SLCO4A1: variants seen among roughly 807,000 people sequenced by gnomAD.
SLCO4A1 encodes the protein solute carrier organic anion transporter family member 4A1, also known as colon organic anion transporter.
Under a neutral mutation model 64.6 loss-of-function variants are expected in SLCO4A1, and 51 were observed. The ratio of observed to expected loss-of-function variants is 0.79; its 90% CI spans 0.63 to 1.00. The LOEUF (loss-of-function observed/expected upper bound fraction) is 1.00, where lower values mean the gene tolerates loss of function less well. Ranked by LOEUF, SLCO4A1 falls within the 50% of genes least tolerant of loss-of-function variation. The pLI is 0.00. For synonymous variants in SLCO4A1, 471 were observed against 444.9 expected (o/e 1.06, Z -0.74); for missense variants, 919 against 980.5 (o/e 0.94, Z 0.84).
chr20:62,672,583 A>G (rs1987357491), downstream of SLCO4A1: 1 of 152,288 alleles, frequency 6.6e-6, no homozygotes, highest in Admixed American at 6.5e-5. Flanking sequence ...ATGTTCTTAT[A>G]TAAACGTGTC....
chr20:62,671,495 AC>A lies in SLCO4A1; in HGVS notation c.2026-252del, dbSNP rs1293790101. 6.6e-5 allele frequency among the ~76,000 whole-genome samples: 10 copies of A among 152,266 alleles called. No homozygotes were observed. The East Asian group carries it at 1.7e-3, about 26-fold the overall frequency. On this transcript the variant is annotated intron_variant, in intron 11 of 11. Transcript: ENST00000217159. ...ATTCACTGGTGTCTGGCACTGTTCAACCCATGACAAGCCCCTCAGTCCTGTG... is the reference window on the plus strand; with the variant it reads ...ATTCACTGGTGTCTGGCACTGTTCAACCATGACAAGCCCCTCAGTCCTGTG...
Position 62,656,598 on chromosome 20 carries a change from C to A in SLCO4A1, c.144C>A (p.Ala48=). The A allele has an allele frequency of 6.3e-7, 1 of 1,597,920 alleles. No individual in the cohort carries two copies. The change falls in exon 2 of 12, where the codon GCC becomes GCA. Residue 48 remains alanine (A), a synonymous_variant. Coordinates refer to ENST00000217159, the MANE Select transcript of SLCO4A1 (RefSeq NM_016354.4). ...GCCCCGGCTCCCTCCGCTCCGCTGC[C>A]CATAGCCCCCTGGACACCAGCAAGC... ...PLSPGSLRSA[A]HSPLDTSKQP... is the part of the protein sequence containing the mutation.
intron 7 of SLCO4A1, chr20:62,667,415 G>A (rs947683731): frequency 2.8e-5 from 8 of 281,554 alleles, no homozygotes; most frequent in Middle Eastern, 1.0e-3. Context: ...TGTACTTGGC[G>A]CTTTTTCTTT....
intron 1 of SLCO4A1, chr20:62,643,169 G>T (rs926838188): frequency 1.7e-5 from 6 of 355,092 alleles, no homozygotes; most frequent in East Asian, 1.1e-4. Context: ...CAGCGGCGGC[G>T]CCCCTTTCCC....
chr20:62,644,845 T>A lies in SLCO4A1; in HGVS notation c.-97+2292T>A, dbSNP rs1378680259. ...GCAGATGGTTGTAGGTGGTCAGAGA[T>A]GAGCCACAGAAAAGCCAACGTGCAG... On this transcript the variant is annotated intron_variant, in intron 1 of 11. Coordinates refer to ENST00000217159, the MANE Select transcript of SLCO4A1 (RefSeq NM_016354.4). This position sits in a 1 kb window ranked among gnomAD's most constrained non-coding sequence, Gnocchi z 5.4. Among the ~76,000 whole-genome samples, 1 of 152,162 alleles carries A rather than the reference T, an allele frequency of 6.6e-6. No homozygotes were observed. The highest frequency in any genetic ancestry group is 2.1e-4 in the South Asian group (1 of 4,828).
At chr20:62,680,732 A>G (rs1987788736) in intron 2 of SLCO4A1, among the ~76,000 whole-genome samples, 1 of 152,110 alleles carries the variant, frequency 6.6e-6, no homozygotes, top group African/African-American at 2.4e-5. Flanking sequence ...ACACTTGATC[A>G]TGGGCTATGC....
At chr20:62,676,484 C>G (rs1433306444), downstream of SLCO4A1, among the ~76,000 whole-genome samples, 2 of 152,106 alleles carry the variant, frequency 1.3e-5, no homozygotes, top group Admixed American at 6.5e-5. Context: ...TAAAAATGGG[C>G]AAAGGATTTG....
Position 62,668,934 on chromosome 20 carries a change from C to T in SLCO4A1, c.1881C>T (p.Gly627=), listed in dbSNP as rs1484711844. 7 of 1,603,158 alleles carry T rather than the reference C, an allele frequency of 4.4e-6. No homozygotes were observed. Among genetic ancestry groups the T allele is most frequent in the Non-Finnish European group, 4.2e-6 (5 of 1,179,746 alleles). ...TGAGTGGGCTTCTCTCCGCAGGGGGCATCCCGGGGCCCATCGCCTTCGGCT... is the reference window on the plus strand; with the variant it reads ...TGAGTGGGCTTCTCTCCGCAGGGGGTATCCCGGGGCCCATCGCCTTCGGCT... ...IQWIVVRILG[G]IPGPIAFGWV... is the part of the protein sequence containing the mutation. Residue 627 remains glycine (G), a synonymous_variant, in exon 11 of 12, where the codon GGC becomes GGT. Transcript: ENST00000217159.
rs142494361 is a variant in SLCO4A1 at position 62,656,577 on chromosome 20, C to T, written c.123C>T (p.Pro41=). Residue 41 remains proline (P), a synonymous_variant, in exon 2 of 12, where the codon CCC becomes CCT. Transcript: ENST00000217159. ...RRASPGTPLS[P]GSLRSAAHSP... ...CATCCCCGGGCACACCCCTGAGCCC[C>T]GGCTCCCTCCGCTCCGCTGCCCATA... 477 of 1,588,926 alleles carry T rather than the reference C, an allele frequency of 3.0e-4. No homozygotes were observed. The highest frequency in any genetic ancestry group is 3.6e-4 in the Non-Finnish European group (418 of 1,171,668).
At chr20:62,667,037 C>A (rs1986478624) in intron 7 of SLCO4A1, among the ~76,000 whole-genome samples, 1 of 152,242 alleles carries the variant, frequency 6.6e-6, no homozygotes, top group Admixed American at 6.5e-5. Context: ...CGGCCCTGCC[C>A]TGCGGGCCCC....
chr20:62,689,249 G>A (rs564326601), downstream of SLCO4A1, among the ~76,000 whole-genome samples: 31 of 99,094 alleles, frequency 3.1e-4, no homozygotes, highest in South Asian at 6.5e-4. Flanking sequence ...GTCCCTGGCC[G>A]GCTGTGTCCC....
intron 11 of SLCO4A1, among the ~76,000 whole-genome samples, chr20:62,671,204 G>A (rs1002967825): frequency 6.6e-6 from 1 of 152,232 alleles, no homozygotes; most frequent in African/African-American, 2.4e-5. Flanking sequence ...GGTTCCTGTG[G>A]CCGCCACGAC....
In SLCO4A1 at chr20:62,657,052, G is replaced by T. The variant is rs763316327; in HGVS notation, c.598G>T (p.Glu200Ter). ...CTTCACGGCTGGCCGCTATGAGGTG[G>T]AGTTGGACGCGGGTGTCAGGACGTG... is the stretch of plus-strand genomic sequence containing the variant. ...PHFTAGRYEV[E>*]LDAGVRTCPA... Residue 200 changes from glutamate to a stop codon, truncating the protein, a stop_gained, in exon 2 of 12, where the codon GAG (glutamate) becomes TAG (stop). Transcript: ENST00000217159. LOFTEE classifies it high-confidence loss of function. The T allele has an allele frequency of 5.6e-6, 9 of 1,596,580 alleles. No homozygotes were observed. Among genetic ancestry groups the T allele is most frequent in the African/African-American group, 1.3e-5 (1 of 74,696 alleles).
intron 5 of SLCO4A1, among the ~76,000 whole-genome samples, chr20:62,662,431 G>T (rs1048267581): frequency 9.9e-5 from 15 of 152,166 alleles, no homozygotes; most frequent in African/African-American, 1.7e-4. Context: ...TGAGCCCCCA[G>T]TGTGGACCTA....
At chr20:62,672,775 G>T (rs1013649324), downstream of SLCO4A1, among the ~76,000 whole-genome samples, 1 of 152,260 alleles carries the variant, frequency 6.6e-6, no homozygotes, top group African/African-American at 2.4e-5. Context: ...GTGGGTGCAG[G>T]TCCCACAGGA....
chr20:62,658,624 C>T lies in SLCO4A1; in HGVS notation c.797-53C>T, dbSNP rs71323597. The T allele has an allele frequency of 4.7e-6, 7 of 1,475,426 alleles. No homozygotes were observed. The African/African-American group carries it at 9.7e-5, about 20-fold the overall frequency. The allele number at this position is 1,475,426 out of a possible 1,614,324, so 91.4% of individuals were successfully genotyped here. A position where few individuals can be genotyped will look rare whatever the true frequency, so the allele number is the denominator to read the frequency against. On this transcript the variant is annotated intron_variant, in intron 2 of 11. Transcript: ENST00000217159. The stretch of plus-strand genomic sequence containing the variant: ...CAGGCACGGGGCCCCACACGGCCCT[C>T]CGCAGCCCCTGGGTGGTGCACAGCG...
At chr20:62,658,801 A>G in intron 3 of SLCO4A1, 34 bp downstream of exon 3, 1 of 1,520,304 alleles carries the variant, frequency 6.6e-7, no homozygotes, top group Non-Finnish European at 9.0e-7. Context: ...CCTGCGCTGG[A>G]GAGGCCCACG....
At chr20:62,667,447 A>C (rs1041191908) in intron 7 of SLCO4A1, 7 of 419,846 alleles carry the variant, frequency 1.7e-5, no homozygotes, top group Non-Finnish European at 2.6e-5. Flanking sequence ...TATTTGATCC[A>C]TATGAATGTG....
downstream of SLCO4A1, among the ~76,000 whole-genome samples, chr20:62,690,050 A>AC (rs1988179725): frequency 6.6e-6 from 1 of 152,056 alleles, no homozygotes; most frequent in Non-Finnish European, 1.5e-5. Flanking sequence ...CAGGTGAACG[A>AC]CCCCAGCCCC....
Sources: gnomAD v4.1 joint callset for allele counts (sites outside exome capture counted in the v4.1 genomes callset) on GRCh38, gnomAD v4.1.1 for gene constraint, Gnocchi (gnomAD v3.1) non-coding constraint, MANE v1.5 for transcripts, NCBI Gene and HGNC (gene_info 2026-07-23, HGNC 2026-07-21) for gene names.